The following CTNNA2 variants were observed in gnomAD, a reference collection of about 807,000 sequenced individuals.
The protein encoded by CTNNA2 is catenin alpha-2.
Under a neutral mutation model 101.0 loss-of-function variants are expected in CTNNA2, and 42 were observed. The ratio of observed to expected loss-of-function variants is 0.42; its 90% CI spans 0.32 to 0.54. CTNNA2 has a LOEUF of 0.54. CTNNA2 is among the 20% of genes least tolerant of loss of function. The pLI is 0.14. For synonymous variants in CTNNA2, 450 were observed against 456.4 expected, an observed-to-expected ratio of 0.99 and a Z score of 0.18; for missense variants, 871 against 1,223.1, an observed-to-expected ratio of 0.71 and a Z score of 4.29.
At chr2:79,955,875 C>A (rs918438904) in intron 7 of CTNNA2, among the ~76,000 whole-genome samples, 2 of 152,134 alleles carry the variant, frequency 1.3e-5, no homozygotes, top group Non-Finnish European at 2.9e-5. Flanking sequence ...CTGGCCTCTG[C>A]TAGGAGCCGA....
At chr2:79,269,090 C>T (rs1487736973) in intron 2 of CTNNA2, among the ~76,000 whole-genome samples, 1 of 152,060 alleles carries the variant, frequency 6.6e-6, no homozygotes, top group Non-Finnish European at 1.5e-5. Flanking sequence ...TGATGCTGGA[C>T]TGCTCAGAAC....
chr2:80,218,648 T>G lies in CTNNA2; in HGVS notation c.1057-174563T>G, dbSNP rs1708408659. On this transcript the variant is annotated intron_variant, in intron 7 of 18. Coordinates refer to ENST00000402739, the MANE Select transcript of CTNNA2 (RefSeq NM_001282597.3). ...CTGTAAAATGAGAGTAGTCATATTG[T>G]TTACTCACAGGGTTGTTGTGAGATT... 2.6e-5 allele frequency among the ~76,000 whole-genome samples: 4 copies of G among 152,318 alleles called. No individual in the cohort carries two copies. The South Asian group carries it at 8.3e-4, about 32-fold the overall frequency.
chr2:80,448,964 T>A (rs1244271149), intron 9 of CTNNA2, among the ~76,000 whole-genome samples: 1 of 152,180 alleles, frequency 6.6e-6, no homozygotes, highest in East Asian at 1.9e-4. Context: ...TATATTTGGT[T>A]AGCTACCTGT....
intron 4 of CTNNA2, 135 bp from the exon 5 acceptor site, chr2:79,869,681 C>A: frequency 9.0e-7 from 1 of 1,106,486 alleles, no homozygotes; most frequent in Non-Finnish European, 1.2e-6. Context: ...TAGAGGAACT[C>A]TTCTCCTATT....
chr2:80,256,181 A>G (rs1368731936), intron 7 of CTNNA2, among the ~76,000 whole-genome samples: 1 of 152,052 alleles, frequency 6.6e-6, no homozygotes, highest in East Asian at 1.9e-4. Flanking sequence ...AACCCGTTAA[A>G]AGGCACAGCC....
chr2:79,188,324 G>A (rs11686890), intron 1 of CTNNA2, among the ~76,000 whole-genome samples: 4,252 of 152,144 alleles, frequency 0.028, 85 homozygotes, highest in Non-Finnish European at 0.046. Context: ...TAAATTGGTC[G>A]TGCTGAGATT....
chr2:79,858,697 A>C (rs904616180), intron 4 of CTNNA2, among the ~76,000 whole-genome samples: 1 of 152,090 alleles, frequency 6.6e-6, no homozygotes, highest in Non-Finnish European at 1.5e-5. Flanking sequence ...CCCATCCACA[A>C]TTCCCGTGGC....
At position 79,300,702 on chromosome 2, in the gene CTNNA2, T is replaced by C. The variant is rs1320268316; in HGVS notation, c.-405-12007T>C. Among the ~76,000 whole-genome samples, 3 of 152,222 alleles carry C rather than the reference T, an allele frequency of 2.0e-5. 1 individual carries two copies. Among genetic ancestry groups the C allele is most frequent in the South Asian group, 4.1e-4 (2 of 4,826 alleles). ...CTTAAAAAATTCTCCCATTTCTAAC[T>C]AGTTCAGACTCTCATCATTTCTCCA... On this transcript the variant is annotated intron_variant, in intron 2 of 21. Transcript: ENST00000466387.
intron 3 of CTNNA2, among the ~76,000 whole-genome samples, chr2:79,786,847 C>G (rs1674885763): frequency 6.6e-6 from 1 of 152,146 alleles, no homozygotes; most frequent in African/African-American, 2.4e-5. Context: ...CAAATAAATA[C>G]AATCATTCCT....
At chr2:80,101,913 C>T (rs1045095172) in intron 7 of CTNNA2, among the ~76,000 whole-genome samples, 7 of 152,152 alleles carry the variant, frequency 4.6e-5, no homozygotes, top group Non-Finnish European at 1.0e-4. Flanking sequence ...CTAGGGGTGA[C>T]TGAACGTCCT....
At chr2:79,737,087 C>G (rs1354188552) in intron 2 of CTNNA2, among the ~76,000 whole-genome samples, 2 of 152,172 alleles carry the variant, frequency 1.3e-5, no homozygotes, top group Non-Finnish European at 2.9e-5. Flanking sequence ...GTGGCTCATG[C>G]CAGTAATCCC....
intron 7 of CTNNA2, among the ~76,000 whole-genome samples, chr2:79,982,102 G>A (rs1691318244): frequency 1.4e-5 from 2 of 148,018 alleles, no homozygotes; most frequent in African/African-American, 2.5e-5. Context: ...GCAGTGGCAT[G>A]ATCACAGTTC....
intron 7 of CTNNA2, among the ~76,000 whole-genome samples, chr2:80,182,819 G>T (rs2148983566): frequency 6.6e-6 from 1 of 152,218 alleles, no homozygotes; most frequent in South Asian, 2.1e-4. Context: ...CCCTACAGTG[G>T]TAAGGAGCTA....
At chr2:79,469,102 A>T (rs1276918756) in intron 4 of CTNNA2, among the ~76,000 whole-genome samples, 6 of 152,068 alleles carry the variant, frequency 3.9e-5, no homozygotes, top group South Asian at 2.1e-4. Context: ...TGGTTTGTTG[A>T]AAAGATCAAC....
chr2:80,558,396 A>T (rs1573259870), intron 12 of CTNNA2, among the ~76,000 whole-genome samples: 1 of 151,958 alleles, frequency 6.6e-6, no homozygotes, highest in South Asian at 2.1e-4. Context: ...GAGTTTGAGG[A>T]TGACCACAGG....
chr2:80,079,824 AAAAT>A (rs1482278257), intron 7 of CTNNA2, among the ~76,000 whole-genome samples: 11 of 116,094 alleles, frequency 9.5e-5, no homozygotes, highest in East Asian at 2.8e-4. Context: ...AAAATAAAAT[AAAAT>A]AAATAAAATA....
At chr2:79,771,867 G>C (rs1673608311) in intron 3 of CTNNA2, among the ~76,000 whole-genome samples, 1 of 152,058 alleles carries the variant, frequency 6.6e-6, no homozygotes, top group South Asian at 2.1e-4. Flanking sequence ...CGACTGTTTT[G>C]TACATTTTAA....
chr2:79,285,895 C>T (rs978370983), intron 2 of CTNNA2, among the ~76,000 whole-genome samples: 23 of 146,924 alleles, frequency 1.6e-4, no homozygotes, highest in African/African-American at 5.7e-4. Flanking sequence ...GTCTAAGTCT[C>T]TTTGTAGGTC....
In CTNNA2 at chr2:79,290,721, G is replaced by A. The variant is rs147747798; in HGVS notation, c.-405-21988G>A. 2.2e-4 allele frequency among the ~76,000 whole-genome samples: 33 copies of A among 152,224 alleles called. No individual in the cohort carries two copies. In the East Asian group the frequency reaches 6.2e-3, roughly 29 times the overall value. On this transcript the variant is annotated intron_variant, in intron 2 of 21. Coordinates refer to the CTNNA2 transcript ENST00000466387. ...TTGACTGGGGAGTCCCGACTCCAGG[G>A]AGAAACCATCTTCCCACTCCATCTC... is the stretch of plus-strand genomic sequence containing the variant.
Sources: gnomAD v4.1 joint callset for allele counts (sites outside exome capture counted in the v4.1 genomes callset) on GRCh38, gnomAD v4.1.1 for gene constraint, MANE v1.5 for transcripts, NCBI Gene and HGNC (gene_info 2026-07-23, HGNC 2026-07-21) for gene names.